The following XKR4 variants were observed in gnomAD, a reference collection of about 807,000 sequenced individuals.
XKR4 encodes XK-related protein 4.
XKR4 carries 12 observed loss-of-function variants against 53.9 expected under a neutral mutation model. That is an observed-to-expected ratio of 0.22 (90% CI 0.14 to 0.36). The LOEUF (loss-of-function observed/expected upper bound fraction) is 0.36, where lower values mean the gene tolerates loss of function less well. Among genes scored for constraint, XKR4 ranks in the 10% least tolerant of loss-of-function variants. XKR4 has a pLI of 1.00. For missense variants in XKR4, 799 were observed against 859.5 expected (o/e 0.93, Z 0.88); for synonymous variants, 354 against 362.4 (o/e 0.98, Z 0.26).
intron 2 of XKR4, among the ~76,000 whole-genome samples, chr8:55,361,223 T>C (rs551756688): frequency 6.6e-6 from 1 of 152,042 alleles, no homozygotes; most frequent in East Asian, 1.9e-4. Context: ...GTCGTTATGG[T>C]TTTCCAATCC....
chr8:55,452,132 C>A, intron 2 of XKR4: 1 of 697,696 alleles, frequency 1.4e-6, no homozygotes, highest in East Asian at 2.6e-5. Flanking sequence ...CCCTGACATC[C>A]GGTGTGTACC....
chr8:55,267,671 C>CTT (rs10697732), intron 1 of XKR4, among the ~76,000 whole-genome samples: 6 of 151,720 alleles, frequency 4.0e-5, no homozygotes, highest in Non-Finnish European at 7.4e-5. Context: ...TTCCTATTAT[C>CTT]TTTTTTTTCA....
At chr8:55,275,193 AATAG>A (rs1427688314) in intron 1 of XKR4, among the ~76,000 whole-genome samples, 7 of 152,142 alleles carry the variant, frequency 4.6e-5, no homozygotes, top group Admixed American at 6.5e-5. Flanking sequence ...TTTCTATTTT[AATAG>A]ATAATTAATA....
intron 1 of XKR4, among the ~76,000 whole-genome samples, chr8:55,327,456 T>C (rs1407546835): frequency 6.6e-6 from 1 of 152,098 alleles, no homozygotes; most frequent in Non-Finnish European, 1.5e-5. Context: ...ACTACTCAAA[T>C]ACCCTGTTTA....
chr8:55,529,973 G>C lies in XKR4; in HGVS notation c.*5746G>C, dbSNP rs943222406. On this transcript the variant is annotated 3_prime_UTR_variant, in exon 3 of 3. Coordinates refer to ENST00000327381, the MANE Select transcript of XKR4 (RefSeq NM_052898.2). ...ATGGCTCCACTATGTATTCAATTAAGTGATAAATATAAATTAACCTGATGC... is the reference window on the plus strand; with the variant it reads ...ATGGCTCCACTATGTATTCAATTAACTGATAAATATAAATTAACCTGATGC... 8 of 152,192 alleles carry C rather than the reference G, an allele frequency of 5.3e-5. No homozygotes were observed. The highest frequency in any genetic ancestry group is 3.3e-4 in the Admixed American group (5 of 15,274). The allele number at this position is 152,192 out of a possible 1,614,324, so 9.4% of individuals were successfully genotyped here. A position where few individuals can be genotyped will look rare whatever the true frequency, so the allele number is the denominator to read the frequency against.
At chr8:55,252,718 G>A (rs1285498765) in intron 1 of XKR4, among the ~76,000 whole-genome samples, 1 of 152,198 alleles carries the variant, frequency 6.6e-6, no homozygotes, top group African/African-American at 2.4e-5. Context: ...GCCAGAAGGT[G>A]TGTAGTTTAC....
At position 55,206,387 on chromosome 8, in the gene XKR4, A is replaced by G. The variant is rs544363524; in HGVS notation, c.806+103093A>G. Reference sequence around the variant, plus strand: ...TTGGTGTGCTTACAATCCTCTAGCTAAACAGAAAAGTTCTCCCAGTCCCCA... The same window carrying G: ...TTGGTGTGCTTACAATCCTCTAGCTGAACAGAAAAGTTCTCCCAGTCCCCA... On this transcript the variant is annotated intron_variant, in intron 1 of 2. Coordinates refer to ENST00000327381, the MANE Select transcript of XKR4 (RefSeq NM_052898.2). Among the ~76,000 whole-genome samples, 6 of 152,274 alleles carry G rather than the reference A, an allele frequency of 3.9e-5. No homozygotes were observed. The South Asian group carries it at 1.0e-3, about 26-fold the overall frequency.
At chr8:55,119,790 A>G (rs545441383) in intron 1 of XKR4, among the ~76,000 whole-genome samples, 3 of 152,350 alleles carry the variant, frequency 2.0e-5, no homozygotes, top group Admixed American at 1.3e-4. Flanking sequence ...AAAAGGCTCC[A>G]TAATGAGTGG....
chr8:55,397,028 G>A (rs560728980), intron 2 of XKR4, among the ~76,000 whole-genome samples: 62 of 152,286 alleles, frequency 4.1e-4, no homozygotes, highest in African/African-American at 1.4e-3. Context: ...AATTTTCAAA[G>A]CCAGTCTTTT....
chr8:55,413,757 G>A (rs1804806682), intron 2 of XKR4, among the ~76,000 whole-genome samples: 1 of 152,114 alleles, frequency 6.6e-6, no homozygotes, highest in Non-Finnish European at 1.5e-5. Flanking sequence ...CAGGCTCACA[G>A]GTCTCACTTA....
intron 2 of XKR4, among the ~76,000 whole-genome samples, chr8:55,509,153 C>T (rs1413914477): frequency 6.6e-6 from 1 of 152,052 alleles, no homozygotes; most frequent in Non-Finnish European, 1.5e-5. Context: ...TGCCTCTGTC[C>T]TCCGCTGCCT....
rs928781873 is a variant in XKR4 at position 55,374,326 on chromosome 8, G to A, written c.1006+16449G>A. On this transcript the variant is annotated intron_variant, in intron 2 of 2. Coordinates refer to ENST00000327381, the MANE Select transcript of XKR4 (RefSeq NM_052898.2). ...AGGGCTTACAGCCTCATAAGGGGGA[G>A]CAGCATATGAATAAGTGCTTAAGTG... 7.2e-5 allele frequency among the ~76,000 whole-genome samples: 11 copies of A among 152,360 alleles called. No homozygotes were observed. The South Asian group carries it at 8.3e-4, about 11-fold the overall frequency.
At chr8:55,482,195 A>T (rs200037855) in intron 2 of XKR4, among the ~76,000 whole-genome samples, 50,556 of 151,138 alleles carry the variant, frequency 0.33, 10,024 homozygotes, top group African/African-American at 0.57. Context: ...GCACATATAC[A>T]CCATGGAATA....
At chr8:55,173,988 T>C (rs544251335) in intron 1 of XKR4, among the ~76,000 whole-genome samples, 4 of 152,228 alleles carry the variant, frequency 2.6e-5, no homozygotes, top group African/African-American at 9.6e-5. Context: ...ATTTGAAGCA[T>C]CATTATACAT....
At chr8:55,160,419 C>T (rs114552449) in intron 1 of XKR4, among the ~76,000 whole-genome samples, 4,606 of 152,156 alleles carry the variant, frequency 0.03, 175 homozygotes, top group East Asian at 0.12. Context: ...GGTCTGTAGG[C>T]ATGAACTAGA....
At chr8:55,183,940 G>T (rs1377575295) in intron 1 of XKR4, among the ~76,000 whole-genome samples, 7 of 152,006 alleles carry the variant, frequency 4.6e-5, no homozygotes, top group Admixed American at 3.9e-4. Flanking sequence ...ATTGAGGATG[G>T]CTACCTTTCC....
At position 55,534,191 on chromosome 8, in the gene XKR4, G is replaced by C. The variant is rs549851965; in HGVS notation, c.*9964G>C. The stretch of plus-strand genomic sequence containing the variant: ...AAAATTGAGTTTTTATTCAGTTTCA[G>C]AGGTAAAATCTGCATGGGTGCAGCT... On this transcript the variant is annotated 3_prime_UTR_variant, in exon 3 of 3. Coordinates refer to ENST00000327381, the MANE Select transcript of XKR4 (RefSeq NM_052898.2). The C allele has an allele frequency of 3.6e-4, 55 of 151,950 alleles. No homozygotes were observed. The highest frequency in any genetic ancestry group is 1.3e-3 in the African/African-American group (52 of 41,430). The allele number at this position is 151,950 out of a possible 1,614,324, so 9.4% of individuals were successfully genotyped here. A position where few individuals can be genotyped will look rare whatever the true frequency, so the allele number is the denominator to read the frequency against.
intron 2 of XKR4, among the ~76,000 whole-genome samples, chr8:55,366,209 A>T (rs1312678988): frequency 6.6e-6 from 1 of 152,248 alleles, no homozygotes; most frequent in Non-Finnish European, 1.5e-5. Flanking sequence ...CCCACCGGGC[A>T]GCCAGCCAGT....
intron 1 of XKR4, among the ~76,000 whole-genome samples, chr8:55,244,897 A>ACTTTTTTTTTTTTTTTTTTT (rs1563491787): frequency 9.0e-6 from 1 of 110,828 alleles, no homozygotes; most frequent in Non-Finnish European, 1.9e-5. Flanking sequence ...CTTTGCCAAC[A>ACTTTTTTTTTTTTTTTTTTT]TTTTTTTTTT....
Sources: gnomAD v4.1 joint callset for allele counts (sites outside exome capture counted in the v4.1 genomes callset) on GRCh38, gnomAD v4.1.1 for gene constraint, MANE v1.5 for transcripts, NCBI Gene and HGNC (gene_info 2026-07-23, HGNC 2026-07-21) for gene names.